MRAS: variants seen among roughly 807,000 people sequenced by gnomAD.
MRAS encodes the protein ras-related protein M-Ras.
MRAS carries 4 observed loss-of-function variants against 20.9 expected under a neutral mutation model. The observed-to-expected ratio is 0.19, with a 90% CI of 0.09 to 0.44. MRAS has a LOEUF of 0.44. Ranked by LOEUF, MRAS falls within the 20% of genes least tolerant of loss-of-function variation. The probability of loss-of-function intolerance (pLI) is 0.99; values close to 1 mark genes in which losing one functional copy is unlikely to be tolerated. For synonymous variants in MRAS, 98 were observed against 102.9 expected, an observed-to-expected ratio of 0.95 and a Z score of 0.29; for missense variants, 154 against 277.5, an observed-to-expected ratio of 0.56 and a Z score of 3.16.
chr3:138,376,277 C>A (rs1157580906), intron 2 of MRAS, among the ~76,000 whole-genome samples: 13 of 152,178 alleles, frequency 8.5e-5, no homozygotes. Context: ...TCTAAGAGGT[C>A]TTCCCTGACC....
chr3:138,368,064 G>A (rs1482631302), intron 1 of MRAS, among the ~76,000 whole-genome samples: 2 of 152,364 alleles, frequency 1.3e-5, no homozygotes, highest in East Asian at 3.9e-4. Context: ...AACCAGTTCA[G>A]CCGCCCCCAC....
In MRAS at chr3:138,402,776, C is replaced by T. The variant is rs1375124171; in HGVS notation, c.*507C>T. 1 of 152,656 alleles carries T rather than the reference C, an allele frequency of 6.6e-6. No homozygotes were observed. Among genetic ancestry groups the T allele is most frequent in the Non-Finnish European group, 1.5e-5 (1 of 68,116 alleles). 9.5% of individuals were successfully genotyped at this position (152,656 alleles called of 1,614,324 possible). On this transcript the variant is annotated 3_prime_UTR_variant, in exon 6 of 6. Transcript: ENST00000423968. ...ACTGCCTGGTGAAGTTTCAAGTGTT[C>T]AGCAGACCTCTCTGGTAACATATCT...
At chr3:138,366,662 A>G (rs890089209) in intron 1 of MRAS, among the ~76,000 whole-genome samples, 3 of 152,238 alleles carry the variant, frequency 2.0e-5, no homozygotes, top group Non-Finnish European at 4.4e-5. Flanking sequence ...AAGCCATGTG[A>G]TGCAGCAAAA....
At chr3:138,386,531 T>A (rs1289593655) in intron 2 of MRAS, among the ~76,000 whole-genome samples, 2 of 152,228 alleles carry the variant, frequency 1.3e-5, no homozygotes, top group East Asian at 3.8e-4. Context: ...TTGCCCTGAC[T>A]GGAGTGCAGT....
At chr3:138,353,047 C>T (rs2054260739) in intron 1 of MRAS, among the ~76,000 whole-genome samples, 2 of 152,068 alleles carry the variant, frequency 1.3e-5, no homozygotes, top group African/African-American at 4.8e-5. Flanking sequence ...AGAAGGAGCC[C>T]CCTGAGTGTA....
chr3:138,386,509 G>A (rs2055018518), intron 2 of MRAS, among the ~76,000 whole-genome samples: 1 of 152,132 alleles, frequency 6.6e-6, no homozygotes, highest in African/African-American at 2.4e-5. Flanking sequence ...TTGAGATGGA[G>A]TTTCACTCTT....
At chr3:138,388,799 T>C (rs2055069089) in intron 2 of MRAS, among the ~76,000 whole-genome samples, 1 of 152,168 alleles carries the variant, frequency 6.6e-6, no homozygotes, top group African/African-American at 2.4e-5. Flanking sequence ...TTGCTTGATA[T>C]TCCGTGACCC....
chr3:138,372,935 G>A lies in MRAS; in HGVS notation c.52G>A (p.Val18Met). 1 of 1,557,080 alleles carries A rather than the reference G, an allele frequency of 6.4e-7. No individual in the cohort carries two copies. The highest frequency in any genetic ancestry group is 1.2e-5 in the South Asian group (1 of 82,418). Residue 18 changes from valine to methionine, a missense_variant, in exon 2 of 6, where the codon GTG (valine) becomes ATG (methionine). Physicochemically the swap from Val to Met is conservative, Grantham distance 21. Transcript: ENST00000423968. ...SDNLPTYKLVVVGDGGVGKSA... is the reference protein window; with the variant it reads ...SDNLPTYKLVMVGDGGVGKSA... Reference sequence around the variant, plus strand: ...CAACCTCCCCACATACAAGCTGGTGGTGGTGGGGGATGGGGGTGTGGGCAA... The same window carrying A: ...CAACCTCCCCACATACAAGCTGGTGATGGTGGGGGATGGGGGTGTGGGCAA...
intron 2 of MRAS, among the ~76,000 whole-genome samples, chr3:138,394,777 C>T (rs2055201450): frequency 6.6e-6 from 1 of 152,162 alleles, no homozygotes; most frequent in South Asian, 2.1e-4. Flanking sequence ...ATCCTCAATG[C>T]CTCTTTTTCT....
At chr3:138,366,848 G>T (rs533489685) in intron 1 of MRAS, among the ~76,000 whole-genome samples, 5 of 152,232 alleles carry the variant, frequency 3.3e-5, no homozygotes, top group African/African-American at 9.6e-5. Flanking sequence ...AAGTGATGCT[G>T]GGTGGAGTGG....
At chr3:138,379,819 T>C (rs2054862897) in intron 2 of MRAS, among the ~76,000 whole-genome samples, 1 of 151,942 alleles carries the variant, frequency 6.6e-6, no homozygotes, top group African/African-American at 2.4e-5. Flanking sequence ...AATATACTGA[T>C]TTCCTTTCCT....
rs1437687529 is a variant in MRAS at position 138,397,418 on chromosome 3, C to T, written c.288C>T (p.Asp96=). Residue 96 remains aspartate (D), a synonymous_variant, in exon 3 of 6, where the codon GAC becomes GAT. Coordinates refer to ENST00000423968, the MANE Select transcript of MRAS (RefSeq NM_001085049.3). ...TCCTCATCGTCTACTCCGTCACTGA[C>T]AAGGCCAGCTTTGAGCACGTGGACC... is the stretch of plus-strand genomic sequence containing the variant. The part of the protein sequence containing the change: ...DGFLIVYSVT[D]KASFEHVDRF... 4.3e-6 allele frequency: 7 copies of T among 1,614,054 alleles called. No homozygotes were observed. Among genetic ancestry groups the T allele is most frequent in the Non-Finnish European group, 5.9e-6 (7 of 1,180,032 alleles).
chr3:138,353,352 C>A (rs182172630), intron 1 of MRAS, among the ~76,000 whole-genome samples: 7 of 152,186 alleles, frequency 4.6e-5, no homozygotes, highest in Admixed American at 4.6e-4. Flanking sequence ...AAAGTGAGCC[C>A]TTGAGGAAAG....
intron 1 of MRAS, among the ~76,000 whole-genome samples, chr3:138,360,052 G>A (rs1304334476): frequency 6.6e-6 from 1 of 152,190 alleles, no homozygotes; most frequent in African/African-American, 2.4e-5. Context: ...AGCTGGTGCG[G>A]GGTGTCAGTA....
At chr3:138,357,265 C>T (rs934461111) in intron 1 of MRAS, among the ~76,000 whole-genome samples, 3 of 152,226 alleles carry the variant, frequency 2.0e-5, no homozygotes, top group African/African-American at 7.2e-5. Context: ...GGTGTTCAGG[C>T]AGGGAGGGGT....
At chr3:138,362,202 A>G (rs2054463076) in intron 1 of MRAS, among the ~76,000 whole-genome samples, 1 of 151,828 alleles carries the variant, frequency 6.6e-6, no homozygotes, top group South Asian at 2.1e-4. Context: ...GCCCTTACCA[A>G]CTCCTCGGTT....
chr3:138,358,401 G>C (rs1462698552), intron 1 of MRAS, among the ~76,000 whole-genome samples: 1 of 152,070 alleles, frequency 6.6e-6, no homozygotes, highest in Non-Finnish European at 1.5e-5. Context: ...AGGCACTCTA[G>C]ACCTTACCTT....
intron 2 of MRAS, among the ~76,000 whole-genome samples, chr3:138,389,836 T>G (rs1474614669): frequency 2.0e-5 from 3 of 151,412 alleles, no homozygotes; most frequent in Non-Finnish European, 4.4e-5. Flanking sequence ...AGGAACACGG[T>G]GGGTGGGACC....
At position 138,372,918 on chromosome 3, in the gene MRAS, C is replaced by G; in HGVS notation, c.35C>G (p.Pro12Arg). The G allele has an allele frequency of 6.4e-7, 1 of 1,550,506 alleles. No individual in the cohort carries two copies. The highest frequency in any genetic ancestry group is 1.2e-5 in the South Asian group (1 of 81,388). The change falls in exon 2 of 6, where the codon CCC becomes CGC. Residue 12 changes from proline (P) to arginine (R), a missense_variant. Physicochemically the swap from Pro to Arg is moderately radical, Grantham distance 103. Around this residue, in one of 3 missense-constraint regions of MRAS, gnomAD observed 27 missense variants for 42.0 expected, o/e 0.64. Coordinates refer to ENST00000423968, the MANE Select transcript of MRAS (RefSeq NM_001085049.3). ...ATSAVPSDNL[P>R]TYKLVVVGDG... ...AGCGCCGTCCCCAGTGACAACCTCCCCACATACAAGCTGGTGGTGGTGGGG... is the reference window on the plus strand; with the variant it reads ...AGCGCCGTCCCCAGTGACAACCTCCGCACATACAAGCTGGTGGTGGTGGGG...
Sources: gnomAD v4.1 joint callset for allele counts (sites outside exome capture counted in the v4.1 genomes callset) on GRCh38, gnomAD v4.1.1 for gene constraint, gnomAD v4.1.1 regional missense constraint, MANE v1.5 for transcripts, NCBI Gene and HGNC (gene_info 2026-07-23, HGNC 2026-07-21) for gene names.